TMCC1: variants seen among roughly 807,000 people sequenced by gnomAD.
TMCC1 encodes transmembrane and coiled-coil domains protein 1.
In TMCC1, 15 loss-of-function variants were observed where a neutral mutation model predicts 52.4. The ratio of observed to expected loss-of-function variants is 0.29; its 90% CI spans 0.19 to 0.44. The LOEUF (loss-of-function observed/expected upper bound fraction) is 0.44. Ranked by LOEUF, TMCC1 falls within the 20% of genes least tolerant of loss-of-function variation. The pLI is 1.00. For missense variants in TMCC1, 503 were observed against 806.0 expected (o/e 0.62, Z 4.55); for synonymous variants, 279 against 301.9 (o/e 0.92, Z 0.79).
chr3:129,757,297 T>C (rs1163599769), intron 4 of TMCC1, among the ~76,000 whole-genome samples: 1 of 152,062 alleles, frequency 6.6e-6, no homozygotes, highest in African/African-American at 2.4e-5. Context: ...TACTCCCCTA[T>C]CCTCTGGTTG....
At chr3:129,778,051 G>A (rs928521615) in intron 4 of TMCC1, among the ~76,000 whole-genome samples, 2 of 152,128 alleles carry the variant, frequency 1.3e-5, no homozygotes, top group South Asian at 2.1e-4. Flanking sequence ...CCGGCCAAAG[G>A]AAAATTATTT....
chr3:129,679,501 TC>T (rs2088779829), intron 4 of TMCC1, among the ~76,000 whole-genome samples: 1 of 152,042 alleles, frequency 6.6e-6, no homozygotes, highest in African/African-American at 2.4e-5. Flanking sequence ...AGATGGGGTT[TC>T]CCCATATTGG....
chr3:129,687,212 T>C (rs2089471021), intron 4 of TMCC1, among the ~76,000 whole-genome samples: 1 of 152,098 alleles, frequency 6.6e-6, no homozygotes, highest in Admixed American at 6.5e-5. Context: ...TCTAAGCAGC[T>C]AGGAAACTTG....
intron 4 of TMCC1, among the ~76,000 whole-genome samples, chr3:129,797,344 C>T (rs962386129): frequency 6.7e-6 from 1 of 149,152 alleles, no homozygotes; most frequent in African/African-American, 2.5e-5. Context: ...AAAAAAAACA[C>T]GTATTTCATA....
At chr3:129,751,934 A>G (rs923912490) in intron 4 of TMCC1, among the ~76,000 whole-genome samples, 2 of 152,170 alleles carry the variant, frequency 1.3e-5, no homozygotes, top group Non-Finnish European at 2.9e-5. Context: ...TCTTCTATTT[A>G]CTGTTAGGAT....
intron 2 of TMCC1, among the ~76,000 whole-genome samples, chr3:129,836,446 T>C (rs1431032381): frequency 1.3e-5 from 2 of 152,212 alleles, no homozygotes; most frequent in East Asian, 1.9e-4. Flanking sequence ...ATTGACCATA[T>C]GTTGAACCCT....
chr3:129,810,508 C>T (rs938997034), intron 4 of TMCC1, among the ~76,000 whole-genome samples: 1 of 152,162 alleles, frequency 6.6e-6, no homozygotes, highest in Non-Finnish European at 1.5e-5. Flanking sequence ...AAACTCCTGA[C>T]AATAGAAAAC....
At chr3:129,893,245 T>A (rs1048372953) in intron 1 of TMCC1, 4 of 152,092 alleles carry the variant, frequency 2.6e-5, no homozygotes, top group African/African-American at 9.7e-5. Flanking sequence ...CAGGTCAAAA[T>A]GACAGCGGAA....
At chr3:129,707,880 C>T (rs933824310) in intron 4 of TMCC1, among the ~76,000 whole-genome samples, 2 of 150,824 alleles carry the variant, frequency 1.3e-5, no homozygotes. Context: ...TGCAGCGAGC[C>T]GAGATCACAC....
At chr3:129,724,729 A>G (rs2107601799) in intron 4 of TMCC1, among the ~76,000 whole-genome samples, 1 of 152,348 alleles carries the variant, frequency 6.6e-6, no homozygotes, top group Non-Finnish European at 1.5e-5. Context: ...AAAACAGGGC[A>G]ATGCAGACAT....
At chr3:129,855,865 C>T (rs541670947) in intron 2 of TMCC1, among the ~76,000 whole-genome samples, 129 of 152,162 alleles carry the variant, frequency 8.5e-4, no homozygotes, top group Admixed American at 1.8e-3. Flanking sequence ...ATGTAAGATC[C>T]TGTTTTAAAC....
chr3:129,771,774 CAAAAAAA>C (rs755523077), intron 4 of TMCC1, among the ~76,000 whole-genome samples: 2 of 75,660 alleles, frequency 2.6e-5, no homozygotes, highest in South Asian at 7.4e-4. Flanking sequence ...GACACTGTCT[CAAAAAAA>C]AAAAAAAAAA....
At position 129,843,030 on chromosome 3, in the gene TMCC1, T is replaced by TA. The variant is rs145374865; in HGVS notation, c.-183-10205dup. On this transcript the variant is annotated intron_variant, in intron 2 of 6. Transcript: ENST00000393238. Reference sequence around the variant, plus strand: ...AACCTAGGCTTCTACCTTGGCACAGTAAAAAAAGAACAAATTATAACTAAA... The same window carrying TA: ...AACCTAGGCTTCTACCTTGGCACAGTAAAAAAAAGAACAAATTATAACTAAA... Among the ~76,000 whole-genome samples, 694 of 152,018 alleles carry TA rather than the reference T, an allele frequency of 4.6e-3. 8 individuals carry two copies. Among genetic ancestry groups the TA allele is most frequent in the African/African-American group, 0.016 (659 of 41,478 alleles).
At chr3:129,772,474 G>C (rs2054668720) in intron 4 of TMCC1, among the ~76,000 whole-genome samples, 1 of 152,048 alleles carries the variant, frequency 6.6e-6, no homozygotes, top group Non-Finnish European at 1.5e-5. Context: ...CCAGCACTTT[G>C]GGAAGCTGAG....
Position 129,783,456 on chromosome 3 carries a change from C to T in TMCC1, c.576+44347G>A, listed in dbSNP as rs550189181. On this transcript the variant is annotated intron_variant, in intron 4 of 6. Transcript: ENST00000393238. ...ATTTATTTTATGATCATTTTTTTTC[C>T]CACATGATATACCCCTTATTAAATG... Among the ~76,000 whole-genome samples the T allele has an allele frequency of 3.0e-4, 46 of 151,430 alleles. 1 individual carries two copies. The highest frequency in any genetic ancestry group is 1.1e-3 in the African/African-American group (44 of 41,370).
chr3:129,890,412 G>A (rs1026425277), intron 1 of TMCC1, among the ~76,000 whole-genome samples: 1 of 152,204 alleles, frequency 6.6e-6, no homozygotes, highest in African/African-American at 2.4e-5. Context: ...ATGTATGTGA[G>A]CCCAAAGAAG....
chr3:129,804,710 T>C (rs756233034), intron 4 of TMCC1, among the ~76,000 whole-genome samples: 4 of 152,134 alleles, frequency 2.6e-5, no homozygotes, highest in Non-Finnish European at 5.9e-5. Flanking sequence ...TATCTAATTG[T>C]CACATCAATG....
intron 4 of TMCC1, among the ~76,000 whole-genome samples, chr3:129,764,511 C>T (rs1156665352): frequency 1.3e-5 from 2 of 152,018 alleles, no homozygotes; most frequent in Admixed American, 6.6e-5. Context: ...AATGGCAATA[C>T]ATTAGATGCT....
At chr3:129,720,181 C>CAAAAAAAAAAAAAAAA (rs765678095) in intron 4 of TMCC1, among the ~76,000 whole-genome samples, 1 of 58,696 alleles carries the variant, frequency 1.7e-5, no homozygotes, top group African/African-American at 6.2e-5. Context: ...GACCCTGTCT[C>CAAAAAAAAAAAAAAAA]AAAAAAAAAA....
Sources: allele counts gnomAD v4.1 joint callset (sites outside exome capture counted in the v4.1 genomes callset), GRCh38; gene constraint gnomAD v4.1.1; transcripts MANE v1.5; gene names NCBI Gene and HGNC (gene_info 2026-07-23, HGNC 2026-07-21).